Variants in VEGFC observed in about 807,000 individuals in gnomAD.
VEGFC encodes vascular endothelial growth factor C, also known as FLT4 ligand DHM.
Under a neutral mutation model 46.1 loss-of-function variants are expected in VEGFC, and 12 were observed. That is an observed-to-expected ratio of 0.26 (90% CI 0.17 to 0.42). The LOEUF (loss-of-function observed/expected upper bound fraction) is 0.42. VEGFC is among the 10% of genes least tolerant of loss of function. The probability of loss-of-function intolerance (pLI) is 1.00; values close to 1 mark genes in which losing one functional copy is unlikely to be tolerated. For synonymous variants in VEGFC, 232 were observed against 195.5 expected, an observed-to-expected ratio of 1.19 and a Z score of -1.56; for missense variants, 488 against 529.4, an observed-to-expected ratio of 0.92 and a Z score of 0.77.
chr4:176,696,827 C>G (rs994864058), intron 4 of VEGFC, among the ~76,000 whole-genome samples: 1 of 152,150 alleles, frequency 6.6e-6, no homozygotes, highest in South Asian at 2.1e-4. Context: ...AGAAATAACG[C>G]CGCATATCTA....
chr4:176,743,121 A>T (rs1040287644), intron 1 of VEGFC, among the ~76,000 whole-genome samples: 2 of 152,050 alleles, frequency 1.3e-5, no homozygotes, highest in Non-Finnish European at 2.9e-5. Flanking sequence ...CAAGTGAGAG[A>T]GTCAAAAGGT....
chr4:176,686,700 T>C (rs2110962119), intron 6 of VEGFC, among the ~76,000 whole-genome samples: 1 of 152,316 alleles, frequency 6.6e-6, no homozygotes, highest in South Asian at 2.1e-4. Context: ...ACATGAGTCT[T>C]GGGTACCTTT....
intron 3 of VEGFC, among the ~76,000 whole-genome samples, chr4:176,719,967 G>A (rs990774203): frequency 1.3e-5 from 2 of 151,940 alleles, no homozygotes; most frequent in African/African-American, 2.4e-5. Context: ...GCTGAGGCAG[G>A]AGAATCGCTT....
intron 1 of VEGFC, among the ~76,000 whole-genome samples, chr4:176,762,304 T>G (rs1319999): frequency 0.83 from 125,650 of 152,178 alleles, 53,440 homozygotes; most frequent in East Asian, 1. Context: ...TTGCCCAGAT[T>G]GGTGGGTTTA....
At chr4:176,684,797 C>T (rs1178766265) in intron 6 of VEGFC, among the ~76,000 whole-genome samples, 1 of 152,226 alleles carries the variant, frequency 6.6e-6, no homozygotes, top group African/African-American at 2.4e-5. Flanking sequence ...GCAATCTCAG[C>T]TTACTGCAAC....
At chr4:176,740,427 T>TA (rs1735149727) in intron 1 of VEGFC, among the ~76,000 whole-genome samples, 3 of 31,206 alleles carry the variant, frequency 9.6e-5, no homozygotes, top group African/African-American at 2.7e-4. Context: ...CTATATATAG[T>TA]TATATATATA....
chr4:176,777,061 C>T (rs1735825637), intron 1 of VEGFC, among the ~76,000 whole-genome samples: 1 of 152,186 alleles, frequency 6.6e-6, no homozygotes, highest in Admixed American at 6.5e-5. Flanking sequence ...CGCCTGTAAT[C>T]CCAGCACTTT....
chr4:176,710,892 G>C (rs78314693), intron 4 of VEGFC, among the ~76,000 whole-genome samples: 11,222 of 152,092 alleles, frequency 0.074, 449 homozygotes, highest in Non-Finnish European at 0.091. Flanking sequence ...GGATGGAAAG[G>C]AAACCTGAAT....
chr4:176,767,855 G>C (rs943422895), intron 1 of VEGFC, among the ~76,000 whole-genome samples: 1 of 152,164 alleles, frequency 6.6e-6, no homozygotes, highest in Non-Finnish European at 1.5e-5. Context: ...GAACCAGTGA[G>C]ACTGGTAAAC....
At chr4:176,747,563 T>C (rs1038477881) in intron 1 of VEGFC, among the ~76,000 whole-genome samples, 1 of 152,024 alleles carries the variant, frequency 6.6e-6, no homozygotes, top group Admixed American at 6.6e-5. Context: ...GAGGCCAAGC[T>C]GGAGGACTGC....
At chr4:176,758,041 T>C (rs1011119040) in intron 1 of VEGFC, among the ~76,000 whole-genome samples, 5 of 152,134 alleles carry the variant, frequency 3.3e-5, no homozygotes, top group African/African-American at 1.2e-4. Flanking sequence ...CACTTTCTTT[T>C]GTAAATTACT....
intron 1 of VEGFC, among the ~76,000 whole-genome samples, chr4:176,781,201 A>G (rs1430073431): frequency 1.3e-5 from 2 of 152,234 alleles, no homozygotes; most frequent in Non-Finnish European, 2.9e-5. Flanking sequence ...CCAAAATTAA[A>G]AGAGAGATCT....
At chr4:176,693,009 A>T (rs1263089212) in intron 4 of VEGFC, among the ~76,000 whole-genome samples, 1 of 151,776 alleles carries the variant, frequency 6.6e-6, no homozygotes, top group African/African-American at 2.4e-5. Flanking sequence ...AAAGTCGATA[A>T]AACCACAAAG....
chr4:176,684,141 A>C (rs1733994847), intron 6 of VEGFC, 101 bp from the exon 7 acceptor site: 1 of 870,038 alleles, frequency 1.1e-6, no homozygotes. Context: ...GACTGGAATA[A>C]AATTACTAAT....
intron 1 of VEGFC, among the ~76,000 whole-genome samples, chr4:176,786,898 G>T (rs1736010028): frequency 6.6e-6 from 1 of 152,116 alleles, no homozygotes; most frequent in African/African-American, 2.4e-5. Flanking sequence ...ATGGAGGAAG[G>T]CCTGTGGAAC....
chr4:176,692,549 G>T lies in VEGFC; in HGVS notation c.705-4622C>A, dbSNP rs1184069455. On this transcript the variant is annotated intron_variant, in intron 4 of 6. Transcript: ENST00000618562. ...CTGCAAGGCGGCAATGAGGCTGGGGGAGGGACGCCCGCCATTGCCCAGGCT... is the reference window on the plus strand; with the variant it reads ...CTGCAAGGCGGCAATGAGGCTGGGGTAGGGACGCCCGCCATTGCCCAGGCT... Among the ~76,000 whole-genome samples the T allele has an allele frequency of 2.2e-5, 3 of 133,924 alleles. 1 individual carries two copies. Among genetic ancestry groups the T allele is most frequent in the African/African-American group, 1.1e-4 (3 of 27,290 alleles). The allele number at this position is 133,924 out of a possible 152,430, so 87.9% of individuals were successfully genotyped here.
At chr4:176,720,146 A>C (rs746533562) in intron 3 of VEGFC, among the ~76,000 whole-genome samples, 6 of 152,166 alleles carry the variant, frequency 3.9e-5, no homozygotes, top group Non-Finnish European at 7.3e-5. Context: ...AAAATCAAAG[A>C]GGGAAATGCA....
intron 3 of VEGFC, among the ~76,000 whole-genome samples, chr4:176,722,392 C>T (rs1734802463): frequency 6.6e-6 from 1 of 151,984 alleles, no homozygotes; most frequent in South Asian, 2.1e-4. Flanking sequence ...TGTTTAAGTA[C>T]TAAGTAGACT....
Position 176,792,279 on chromosome 4 carries a change from A to G in VEGFC, c.33T>C (p.Cys11=). 1 of 1,544,028 alleles carries G rather than the reference A, an allele frequency of 6.5e-7. No homozygotes were observed. The highest frequency in any genetic ancestry group is 8.7e-7 in the Non-Finnish European group (1 of 1,147,506). MHLLGFFSVA[C]SLLAAALLPG... is the part of the protein sequence containing the mutation. ...GGAGCAGCGCAGCGGCGAGCAGAGA[A>G]CACGCCACAGAGAAGAAGCCCAGCA... is the stretch of plus-strand genomic sequence containing the variant. Residue 11 remains cysteine, a synonymous_variant, in exon 1 of 7, where the codon TGT becomes TGC. Transcript: ENST00000618562. This position sits in a 1 kb window ranked among gnomAD's most constrained non-coding sequence, Gnocchi z 6.3.
Sources: allele counts gnomAD v4.1 joint callset (sites outside exome capture counted in the v4.1 genomes callset), GRCh38; gene constraint gnomAD v4.1.1; non-coding constraint Gnocchi (gnomAD v3.1); transcripts MANE v1.5; gene names NCBI Gene and HGNC (gene_info 2026-07-23, HGNC 2026-07-21).